The following ITIH1 variants were observed in gnomAD, a reference collection of about 807,000 sequenced individuals.
ITIH1 encodes the protein inter-alpha-trypsin inhibitor heavy chain 1.
A neutral mutation model predicts 104.6 loss-of-function variants in ITIH1; 94 were observed. The observed-to-expected ratio is 0.90, with a 90% confidence interval of 0.76 to 1.07. The LOEUF is 1.07. Among genes scored for constraint, ITIH1 ranks in the 50% least tolerant of loss-of-function variants. ITIH1 has a pLI of 0.00. For missense variants in ITIH1, 1,193 were observed against 1,181.4 expected (o/e 1.01, Z -0.14); for synonymous variants, 455 against 464.4 (o/e 0.98, Z 0.26).
rs757723366 is a variant in ITIH1 at position 52,787,113 on chromosome 3, G to A, written c.1888+14G>A. 9 of 1,614,222 alleles carry A rather than the reference G, an allele frequency of 5.6e-6. No individual in the cohort carries two copies. Among genetic ancestry groups the A allele is most frequent in the Non-Finnish European group, 7.6e-6 (9 of 1,180,032 alleles). ...AGCCCTCAGAGGGTATAGGCTGCAGGGGTCTACAGAAGGGAGAGGCCATGG... is the reference window on the plus strand; with the variant it reads ...AGCCCTCAGAGGGTATAGGCTGCAGAGGTCTACAGAAGGGAGAGGCCATGG... On this transcript the variant is annotated intron_variant, in intron 14 of 21. Coordinates refer to ENST00000273283, the MANE Select transcript of ITIH1 (RefSeq NM_002215.4).
chr3:52,778,823 G>A (rs761098945), intron 3 of ITIH1, 119 bp from the exon 4 acceptor site: 119 of 1,043,536 alleles, frequency 1.1e-4, no homozygotes, highest in Non-Finnish European at 1.2e-4. Flanking sequence ...GTTCCACCAT[G>A]GGCAGTGGAA....
Position 52,789,775 on chromosome 3 carries a change from C to G in ITIH1, c.2242C>G (p.Pro748Ala). 1 of 1,614,212 alleles carries G rather than the reference C, an allele frequency of 6.2e-7. No homozygotes were observed. Among genetic ancestry groups the G allele is most frequent in the Non-Finnish European group, 8.5e-7 (1 of 1,180,030 alleles). The change falls in exon 19 of 22, where the codon CCT (proline) becomes GCT (alanine). Residue 748 changes from proline (P) to alanine (A), a missense_variant. Coordinates refer to ENST00000273283, the MANE Select transcript of ITIH1 (RefSeq NM_002215.4). ...CACGGACTTTCAGTTGGAAGTGACT[C>G]CTCAGAACATTACGCTGAACCCCGG... ...PATDFQLEVTPQNITLNPGFG... is the reference protein window; with the variant it reads ...PATDFQLEVTAQNITLNPGFG...
chr3:52,787,595 T>C lies in ITIH1; in HGVS notation c.1907T>C (p.Met636Thr). The change falls in exon 16 of 22, where the codon ATG (methionine) becomes ACG (threonine). Residue 636 changes from methionine to threonine, a missense_variant. By Grantham distance (81) the Met-to-Thr change is moderately conservative. Transcript: ENST00000273283. ...KPSEDSPPLEMLGPRRTFVLS... is the reference protein window; with the variant it reads ...KPSEDSPPLETLGPRRTFVLS... ...AATATGTCCTTGTCTTCTACAGAGA[T>C]GCTGGGACCCAGAAGGAGTAAGTGG... 2 of 1,614,230 alleles carry C rather than the reference T, an allele frequency of 1.2e-6. No homozygotes were observed. The highest frequency in any genetic ancestry group is 1.6e-4 in the Middle Eastern group (1 of 6,062).
chr3:52,790,399 C>T (rs1351295208), intron 19 of ITIH1: 15 of 297,086 alleles, frequency 5.0e-5, no homozygotes, highest in East Asian at 3.1e-4. Flanking sequence ...TCACAGAACA[C>T]GGACTCTGAT....
Position 52,784,449 on chromosome 3 carries a change from A to G in ITIH1, c.1379A>G (p.Glu460Gly), listed in dbSNP as rs755145864. 1 of 1,614,132 alleles carries G rather than the reference A, an allele frequency of 6.2e-7. No individual in the cohort carries two copies. The highest frequency in any genetic ancestry group is 8.5e-7 in the Non-Finnish European group (1 of 1,179,982). ...ENNGRAQRIY[E>G]DHDATQQLQG... ...AACGGACGGGCCCAGAGAATCTACG[A>G]GGACCATGATGCCACCCAGCAGCTG... The change falls in exon 11 of 22, where the codon GAG becomes GGG. Residue 460 changes from glutamate (E) to glycine (G), a missense_variant. Transcript: ENST00000273283.
rs760969550 is a variant in ITIH1 at position 52,778,998 on chromosome 3, AG to A, written c.363del (p.Lys121AsnfsTer42). On this transcript the variant is annotated frameshift_variant, in exon 4 of 22. Coordinates refer to ENST00000273283, the MANE Select transcript of ITIH1 (RefSeq NM_002215.4). LOFTEE classifies it high-confidence loss of function. ...GDIKDKVTAW[K>X]QYRKAAISGE... ...ATAAAGGACAAGGTGACTGCATGGA[AG>A]CAGTACCGGAAAGCAGCTATCTCAG... 2.0e-5 allele frequency: 33 copies of A among 1,613,906 alleles called. No individual in the cohort carries two copies. In the East Asian group the frequency reaches 7.1e-4, roughly 35 times the overall value.
intron 15 of ITIH1, 51 bp downstream of exon 15, chr3:52,787,253 G>C: frequency 6.2e-7 from 1 of 1,611,580 alleles, no homozygotes; most frequent in African/African-American, 1.3e-5. Flanking sequence ...TAGCTGGGCA[G>C]GTGGCAGGTG....
In ITIH1 at chr3:52,779,781, CTT is replaced by C. The variant is rs1459063585; in HGVS notation, c.573+189_573+190del. On this transcript the variant is annotated intron_variant, in intron 5 of 21. Coordinates refer to ENST00000273283, the MANE Select transcript of ITIH1 (RefSeq NM_002215.4). This position sits in a 1 kb window ranked among gnomAD's most constrained non-coding sequence, Gnocchi z 4.4. ...AACTCCCTGAATTCTCTAACTTCCT[CTT>C]TATCTCTGAGCTTCGGTTTGCTCAT... 2.3e-5 allele frequency: 24 copies of C among 1,053,230 alleles called. No individual in the cohort carries two copies. The highest frequency in any genetic ancestry group is 6.5e-5 in the South Asian group (4 of 61,764). The allele number at this position is 1,053,230 out of a possible 1,614,324, so 65.2% of individuals were successfully genotyped here.
In ITIH1 at chr3:52,788,261, G is replaced by C. The variant is rs761089193; in HGVS notation, c.2035G>C (p.Val679Leu). 14 of 1,611,964 alleles carry C rather than the reference G, an allele frequency of 8.7e-6. No individual in the cohort carries two copies. Among genetic ancestry groups the C allele is most frequent in the South Asian group, 2.2e-5 (2 of 90,478 alleles). ...VDTDPHFIIH[V>L]PQKEDTLCFN... is the part of the protein sequence containing the mutation. ...CACAGACCCTCACTTCATCATCCACGTGCCCCAGAAAGAGGACACCCTGTG... is the reference window on the plus strand; with the variant it reads ...CACAGACCCTCACTTCATCATCCACCTGCCCCAGAAAGAGGACACCCTGTG... The change falls in exon 18 of 22, where the codon GTG becomes CTG. Residue 679 changes from valine to leucine, a missense_variant. Val to Leu is a conservative substitution (Grantham distance 32). Transcript: ENST00000273283.
At chr3:52,781,212 TTCTTCTTCTTCTTCTTCTTCTTC>T (rs1699036175) in intron 6 of ITIH1, among the ~76,000 whole-genome samples, 2 of 13,912 alleles carry the variant, frequency 1.4e-4, no homozygotes, top group South Asian at 2.4e-3. Context: ...TTTTTTTTTC[TTCTTCTTCTTCTTCTTCTTCTTC>T]TTCTTCTTCT....
chr3:52,787,057 G>C lies in ITIH1; in HGVS notation c.1846G>C (p.Asp616His). 1 of 1,614,194 alleles carries C rather than the reference G, an allele frequency of 6.2e-7. No individual in the cohort carries two copies. The highest frequency in any genetic ancestry group is 1.1e-5 in the South Asian group (1 of 91,084). Residue 616 changes from aspartate to histidine, a missense_variant, in exon 14 of 22, where the codon GAC becomes CAC. Asp to His is a moderately conservative substitution (Grantham distance 81). Transcript: ENST00000273283. ...LTSMSIRGMADQDGLKPTIDK... is the reference protein window; with the variant it reads ...LTSMSIRGMAHQDGLKPTIDK... The stretch of plus-strand genomic sequence containing the variant: ...CTCCATGAGCATCAGGGGCATGGCG[G>C]ACCAGGACGGCCTGAAGCCCACCAT...
intron 20 of ITIH1, 23 bp from the exon 21 acceptor site, chr3:52,791,494 C>A: frequency 6.3e-7 from 1 of 1,589,908 alleles, no homozygotes. Context: ...ATGGTAACCG[C>A]TGTCTCCAAT....
At position 52,790,752 on chromosome 3, in the gene ITIH1, G is replaced by A; in HGVS notation, c.2325G>A (p.Val775=). 1 of 1,612,540 alleles carries A rather than the reference G, an allele frequency of 6.2e-7. No homozygotes were observed. Among genetic ancestry groups the A allele is most frequent in the South Asian group, 1.1e-5 (1 of 90,798 alleles). Reference sequence around the variant, plus strand: ...TCTCGGCCACCTGGCTCTGCAGGGTGGTGGTGACCATCAACAAGAAGAGGA... The same window carrying A: ...TCTCGGCCACCTGGCTCTGCAGGGTAGTGGTGACCATCAACAAGAAGAGGA... ...RDQAVLRQDG[V]VVTINKKRNL... is the part of the protein sequence containing the mutation. The change falls in exon 20 of 22, where the codon GTG becomes GTA. Residue 775 remains valine, a synonymous_variant. Transcript: ENST00000273283.
In ITIH1 at chr3:52,777,704, C is replaced by G. The variant is rs200000763; in HGVS notation, c.89C>G (p.Ser30Trp). ...CTGCAGGCCATGCCTGCCCTGGGCT[C>G]GGCTACAGGCAGGTCCAAGAGCAGC... is the stretch of plus-strand genomic sequence containing the variant. Reference protein sequence around the residue: ...LILQAMPALGSATGRSKSSEK... With the variant: ...LILQAMPALGWATGRSKSSEK... The change falls in exon 1 of 22, where the codon TCG becomes TGG. Residue 30 changes from serine to tryptophan, a missense_variant. Transcript: ENST00000273283. The G allele has an allele frequency of 1.9e-6, 3 of 1,598,854 alleles. No individual in the cohort carries two copies. The South Asian group carries it at 3.4e-5, about 18-fold the overall frequency.
At position 52,785,301 on chromosome 3, in the gene ITIH1, A is replaced by G. The variant is rs566056242; in HGVS notation, c.1593+72A>G. On this transcript the variant is annotated intron_variant, in intron 12 of 21. Transcript: ENST00000273283. The stretch of plus-strand genomic sequence containing the variant: ...AGGCTCCAAACCCACACTGTTCCCC[A>G]TTCCTGCCATCCCCCAGAGGCCTCT... 183 of 1,462,754 alleles carry G rather than the reference A, an allele frequency of 1.3e-4. No homozygotes were observed. The African/African-American group carries it at 2.0e-3, about 16-fold the overall frequency. 90.6% of individuals were successfully genotyped at this position (1,462,754 alleles called of 1,614,324 possible). A position where few individuals can be genotyped will look rare whatever the true frequency, so the allele number is the denominator to read the frequency against.
rs75804542 is a variant in ITIH1 at position 52,791,418 on chromosome 3, G to A, written c.2495-99G>A. 4.3e-3 allele frequency: 3,739 copies of A among 861,806 alleles called. 119 individuals are homozygous for A. The African/African-American group carries it at 0.056, about 13-fold the overall frequency. The allele number at this position is 861,806 out of a possible 1,614,324, so 53.4% of individuals were successfully genotyped here. On this transcript the variant is annotated intron_variant, in intron 20 of 21. Transcript: ENST00000273283. ...AACAGTCAAGCCCTGGAAAAAAAGC[G>A]GTCCAGCAATGCTCTAACCCCGCAG...
intron 19 of ITIH1, 170 bp downstream of exon 19, chr3:52,790,024 T>C (rs1216633530): frequency 6.0e-6 from 4 of 662,042 alleles, no homozygotes; most frequent in Admixed American, 2.6e-5. Flanking sequence ...TTCCCTTGGT[T>C]ACTGGATATG....
Position 52,785,400 on chromosome 3 carries a change from A to G in ITIH1, c.1593+171A>G, listed in dbSNP as rs145919095. Among the ~76,000 whole-genome samples, 755 of 152,324 alleles carry G rather than the reference A, an allele frequency of 5.0e-3. 5 individuals carry two copies. Among genetic ancestry groups the G allele is most frequent in the Non-Finnish European group, 7.8e-3 (528 of 68,022 alleles). ...GGCCTGAACATCCCTCCACACAGGC[A>G]TCCTGGGGGCTGGATTGGCTGGAAT... On this transcript the variant is annotated intron_variant, in intron 12 of 21. Transcript: ENST00000273283.
At chr3:52,789,906 A>G in intron 19 of ITIH1, 52 bp downstream of exon 19, 1 of 1,574,078 alleles carries the variant, frequency 6.4e-7, no homozygotes, top group South Asian at 1.1e-5. Context: ...GCCTGGGCCC[A>G]GGACTCTGCT....
Sources: allele counts gnomAD v4.1 joint callset (sites outside exome capture counted in the v4.1 genomes callset), GRCh38; gene constraint gnomAD v4.1.1; non-coding constraint Gnocchi (gnomAD v3.1); transcripts MANE v1.5; gene names NCBI Gene and HGNC (gene_info 2026-07-23, HGNC 2026-07-21).